The following ASTN2 variants were observed in gnomAD, a reference collection of about 807,000 sequenced individuals.
ASTN2 encodes the protein astrotactin-2.
Under a neutral mutation model 139.8 loss-of-function variants are expected in ASTN2, and 54 were observed. The observed-to-expected ratio is 0.39, with a 90% CI of 0.31 to 0.48. ASTN2 has a LOEUF of 0.48. Among genes scored for constraint, ASTN2 ranks in the 20% least tolerant of loss-of-function variants. The pLI is 0.95. For synonymous variants in ASTN2, 756 were observed against 719.5 expected (o/e 1.05, Z -0.81); for missense variants, 1,565 against 1,725.1 (o/e 0.91, Z 1.64).
chr9:117,176,040 A>C (rs888137726), intron 3 of ASTN2, among the ~76,000 whole-genome samples: 26 of 152,040 alleles, frequency 1.7e-4, no homozygotes, highest in African/African-American at 6.0e-4. Context: ...TAAAAAAAAA[A>C]CCATCATAAA....
intron 1 of ASTN2, among the ~76,000 whole-genome samples, chr9:117,346,531 G>C (rs1005064605): frequency 6.6e-6 from 1 of 152,186 alleles, no homozygotes; most frequent in African/African-American, 2.4e-5. Context: ...AGTGCAGTAA[G>C]AGTTGCCCAA....
chr9:116,468,140 T>C (rs1848706769), intron 20 of ASTN2, among the ~76,000 whole-genome samples: 1 of 152,220 alleles, frequency 6.6e-6, no homozygotes, highest in South Asian at 2.1e-4. Flanking sequence ...CACTGGAATG[T>C]GAGGTTTCTG....
chr9:116,835,175 T>C (rs1831945175), intron 11 of ASTN2, among the ~76,000 whole-genome samples: 1 of 152,200 alleles, frequency 6.6e-6, no homozygotes, highest in South Asian at 2.1e-4. Flanking sequence ...CCAATTCTGA[T>C]TTTTTTCTTG....
intron 1 of ASTN2, among the ~76,000 whole-genome samples, chr9:117,378,474 C>G (rs564965493): frequency 1.3e-5 from 2 of 152,202 alleles, no homozygotes; most frequent in Non-Finnish European, 1.5e-5. Flanking sequence ...CCACACTGAG[C>G]CTTTGACTCC....
At chr9:116,852,918 C>CACACAT (rs60269607) in intron 11 of ASTN2, among the ~76,000 whole-genome samples, 3 of 146,320 alleles carry the variant, frequency 2.1e-5, no homozygotes, top group South Asian at 4.4e-4. Context: ...CACACACACA[C>CACACAT]GGTTAAGATC....
At chr9:117,407,778 G>C (rs140651136) in intron 1 of ASTN2, among the ~76,000 whole-genome samples, 36 of 152,276 alleles carry the variant, frequency 2.4e-4, no homozygotes, top group Non-Finnish European at 3.8e-4. Flanking sequence ...GCCTCTTTCT[G>C]GGGGCAGAGA....
chr9:117,106,226 CTTCTTTTTTTT>C (rs1253007738), intron 4 of ASTN2, among the ~76,000 whole-genome samples: 4 of 151,944 alleles, frequency 2.6e-5, no homozygotes, highest in Admixed American at 2.0e-4. Flanking sequence ...TATTTCTTTT[CTTCTTTTTTTT>C]TTCTTTTGAG....
At chr9:117,167,103 A>G (rs1047558601) in intron 3 of ASTN2, among the ~76,000 whole-genome samples, 1 of 152,166 alleles carries the variant, frequency 6.6e-6, no homozygotes, top group Non-Finnish European at 1.5e-5. Context: ...CGAAATTTTG[A>G]TAGGTAAGAT....
chr9:117,256,763 C>A (rs180999732), intron 2 of ASTN2, among the ~76,000 whole-genome samples: 1 of 152,294 alleles, frequency 6.6e-6, no homozygotes, highest in African/African-American at 2.4e-5. Context: ...ACTATTATAA[C>A]TCAGACCCTC....
intron 1 of ASTN2, among the ~76,000 whole-genome samples, chr9:117,402,249 T>C (rs755669010): frequency 1.8e-4 from 27 of 152,026 alleles, no homozygotes; most frequent in Non-Finnish European, 3.2e-4. Context: ...GTGTTTTTAG[T>C]AGAGATGGGG....
chr9:117,130,843 A>G (rs1355452456), intron 4 of ASTN2, among the ~76,000 whole-genome samples: 1 of 152,210 alleles, frequency 6.6e-6, no homozygotes, highest in Admixed American at 6.5e-5. Flanking sequence ...TAAAAGCTTG[A>G]TTAAAAAGCC....
intron 12 of ASTN2, among the ~76,000 whole-genome samples, chr9:116,819,598 A>C (rs1831428220): frequency 6.6e-6 from 1 of 152,140 alleles, no homozygotes; most frequent in East Asian, 1.9e-4. Context: ...CTCACCCCCT[A>C]TTTGTGAAAC....
chr9:117,301,579 T>C (rs1047046102), intron 1 of ASTN2, among the ~76,000 whole-genome samples: 1 of 152,188 alleles, frequency 6.6e-6, no homozygotes, highest in Non-Finnish European at 1.5e-5. Context: ...ACCACTGTCC[T>C]ACATAGGCTG....
chr9:116,654,963 C>A (rs149742406), intron 16 of ASTN2, among the ~76,000 whole-genome samples: 153 of 152,308 alleles, frequency 1.0e-3, no homozygotes, highest in African/African-American at 3.3e-3. Flanking sequence ...CTTTTTAAAT[C>A]TATCACCCCT....
chr9:116,894,991 T>G (rs1833848817), intron 10 of ASTN2, among the ~76,000 whole-genome samples: 1 of 152,350 alleles, frequency 6.6e-6, no homozygotes, highest in Admixed American at 6.5e-5. Flanking sequence ...TTTATGTAAG[T>G]GGTCCCATGA....
chr9:116,965,873 T>C (rs535249685), intron 10 of ASTN2, among the ~76,000 whole-genome samples: 63 of 152,320 alleles, frequency 4.1e-4, no homozygotes, highest in African/African-American at 1.4e-3. Flanking sequence ...CTTTACCATC[T>C]GTGCTTCCTA....
In ASTN2 at chr9:116,762,952, G is replaced by A. The variant is rs542242235; in HGVS notation, c.2397-29429C>T. ...TATTTCTCTCCGTTTCACAGATGATGAAACTGAGGCTCAGAGAAATTGGCT... is the reference window on the plus strand; with the variant it reads ...TATTTCTCTCCGTTTCACAGATGATAAAACTGAGGCTCAGAGAAATTGGCT... On this transcript the variant is annotated intron_variant, in intron 13 of 22. Transcript: ENST00000313400. 3.3e-5 allele frequency among the ~76,000 whole-genome samples: 5 copies of A among 152,350 alleles called. No individual in the cohort carries two copies. The South Asian group carries it at 1.0e-3, about 32-fold the overall frequency.
chr9:116,625,425 C>T (rs902984414), intron 17 of ASTN2, among the ~76,000 whole-genome samples: 23 of 152,252 alleles, frequency 1.5e-4, no homozygotes, highest in African/African-American at 5.3e-4. Context: ...CAGCAAGACT[C>T]CATCTTGGAA....
In ASTN2 at chr9:116,699,752, C is replaced by T; in HGVS notation, c.2806+26019G>A. 1.2e-6 allele frequency: 2 copies of T among 1,613,590 alleles called. No homozygotes were observed. The highest frequency in any genetic ancestry group is 1.7e-6 in the Non-Finnish European group (2 of 1,179,738). Reference sequence around the variant, plus strand: ...TTCTGCTCCCAAGCCAACTTCCCTTCCCTTAGTTCTTGGTTGTTAGTGGCA... The same window carrying T: ...TTCTGCTCCCAAGCCAACTTCCCTTTCCTTAGTTCTTGGTTGTTAGTGGCA... On this transcript the variant is annotated intron_variant, in intron 16 of 22. Transcript: ENST00000313400. The surrounding 1 kb of genome is among the most constrained non-coding windows in gnomAD (Gnocchi z 4.2).
Sources: allele counts gnomAD v4.1 joint callset (sites outside exome capture counted in the v4.1 genomes callset), GRCh38; gene constraint gnomAD v4.1.1; non-coding constraint Gnocchi (gnomAD v3.1); transcripts MANE v1.5; gene names NCBI Gene and HGNC (gene_info 2026-07-23, HGNC 2026-07-21).